MGST1: variants seen among roughly 807,000 people sequenced by gnomAD.
MGST1 encodes glutathione S-transferase 12.
MGST1 carries 5 observed loss-of-function variants against 8.9 expected under a neutral mutation model. The observed-to-expected ratio is 0.56, with a 90% CI of 0.29 to 1.19. The LOEUF is 1.19. Among genes scored for constraint, MGST1 ranks in the 50% most tolerant of loss-of-function variants. MGST1 has a pLI of 0.08. For synonymous variants in MGST1, 54 were observed against 67.8 expected (o/e 0.80, Z 1.00); for missense variants, 182 against 187.4 (o/e 0.97, Z 0.17).
chr12:16,560,841 G>A lies in MGST1; in HGVS notation n.483-28687G>A. On this transcript the variant is annotated intron_variant and non_coding_transcript_variant, in intron 4 of 4. Coordinates refer to the MGST1 transcript ENST00000538857. The surrounding 1 kb of genome is among the most constrained non-coding windows in gnomAD (Gnocchi z 5.0). ...GTGAATTCATAGCAAAAATCTCTGG[G>A]TTAGAGTATATAGAAAATATAAAAG... 1 of 389,492 alleles carries A rather than the reference G, an allele frequency of 2.6e-6. No homozygotes were observed. Among genetic ancestry groups the A allele is most frequent in the South Asian group, 2.3e-5 (1 of 42,566 alleles). The allele number at this position is 389,492 out of a possible 1,614,324, so 24.1% of individuals were successfully genotyped here. A position where few individuals can be genotyped will look rare whatever the true frequency, so the allele number is the denominator to read the frequency against.
At chr12:16,566,039 T>TAAAA (rs1565488443) in intron 4 of MGST1, among the ~76,000 whole-genome samples, 1 of 86,506 alleles carries the variant, frequency 1.2e-5, no homozygotes, top group Non-Finnish European at 2.3e-5. Flanking sequence ...TATATATATA[T>TAAAA]AAAATGGAGT....
chr12:16,464,013 A>G (rs1033001390), intron 4 of MGST1, among the ~76,000 whole-genome samples: 4 of 152,228 alleles, frequency 2.6e-5, no homozygotes, highest in Non-Finnish European at 4.4e-5. Context: ...TGGACTCAGT[A>G]GGCTGGGTTC....
At chr12:16,431,218 G>T (rs1020960528) in intron 1 of MGST1, among the ~76,000 whole-genome samples, 6 of 152,228 alleles carry the variant, frequency 3.9e-5, no homozygotes, top group African/African-American at 4.8e-5. Context: ...TAGCTGGTTT[G>T]ATCTTCTATT....
At chr12:16,551,155 T>C in intron 4 of MGST1, 1 of 1,017,724 alleles carries the variant, frequency 9.8e-7, no homozygotes, top group Middle Eastern at 2.0e-4. Context: ...AATTCTTATG[T>C]ACATGTGGAG....
In MGST1 at chr12:16,582,152, A is replaced by G. The variant is rs1183951155; in HGVS notation, n.483-7376A>G. 6.6e-6 allele frequency among the ~76,000 whole-genome samples: 1 copy of G among 151,862 alleles called. No individual in the cohort carries two copies. Among genetic ancestry groups the G allele is most frequent in the Non-Finnish European group, 1.5e-5 (1 of 68,010 alleles). On this transcript the variant is annotated intron_variant and non_coding_transcript_variant, in intron 4 of 4. Coordinates refer to the MGST1 transcript ENST00000538857. This position sits in a 1 kb window ranked among gnomAD's most constrained non-coding sequence, Gnocchi z 4.1. ...CAGTAAATTTTCTTAATCATATTTA[A>G]CTGGTTTCTTCCTGTTTCTCTTTAT...
chr12:16,512,191 G>A (rs1050526737), intron 4 of MGST1, among the ~76,000 whole-genome samples: 3 of 151,762 alleles, frequency 2.0e-5, no homozygotes, highest in East Asian at 1.9e-4. Flanking sequence ...AGGTATGCAC[G>A]GACATATACA....
intron 4 of MGST1, chr12:16,514,001 T>C (rs546703097): frequency 3.0e-5 from 13 of 434,930 alleles, no homozygotes; most frequent in South Asian, 2.4e-4. Flanking sequence ...CAAAGTCTTC[T>C]TCTTCTGCAT....
rs1941873962 is a variant in MGST1 at position 16,548,563 on chromosome 12, A to G, written n.483-40965A>G. 1 of 152,120 alleles carries G rather than the reference A, an allele frequency of 6.6e-6. No homozygotes were observed. The highest frequency in any genetic ancestry group is 2.4e-5 in the African/African-American group (1 of 41,412). The allele number at this position is 152,120 out of a possible 1,614,324, so 9.4% of individuals were successfully genotyped here. On this transcript the variant is annotated intron_variant and non_coding_transcript_variant, in intron 4 of 4. Transcript: ENST00000538857. This position sits in a 1 kb window ranked among gnomAD's most constrained non-coding sequence, Gnocchi z 4.2. ...CAGCCTATGCGAGATGCATCTTAGG[A>G]AGGGAGCTTTCGCTGCTCAGAAATC...
chr12:16,477,186 A>T (rs1426222212), intron 4 of MGST1, among the ~76,000 whole-genome samples: 1 of 152,212 alleles, frequency 6.6e-6, no homozygotes, highest in Non-Finnish European at 1.5e-5. Context: ...TAGAAAGATT[A>T]GTTTGAAGTT....
rs562061905 is a variant in MGST1 at position 16,399,298 on chromosome 12, G to T, written n.778+15694G>T. 39 of 1,606,130 alleles carry T rather than the reference G, an allele frequency of 2.4e-5. 1 individual carries two copies. In the South Asian group the frequency reaches 4.2e-4, roughly 17 times the overall value. On this transcript the variant is annotated intron_variant and non_coding_transcript_variant, in intron 1 of 1. Transcript: ENST00000359720. ...AGTTACTTCCTCTTTTTCTTGGGGG[G>T]TGCAGAGCTGTGTGTGGAACCATGG...
chr12:16,511,400 A>G (rs79221714), intron 4 of MGST1, among the ~76,000 whole-genome samples: 2 of 152,342 alleles, frequency 1.3e-5, no homozygotes, highest in East Asian at 3.9e-4. Flanking sequence ...TTCTCCATCT[A>G]GCCTCCTCTT....
chr12:16,388,606 TTAAC>T (rs1591714716), intron 1 of MGST1, among the ~76,000 whole-genome samples: 1 of 152,222 alleles, frequency 6.6e-6, no homozygotes, highest in East Asian at 1.9e-4. Flanking sequence ...AACCAGTTAA[TTAAC>T]TATATGCTTG....
intron 4 of MGST1, among the ~76,000 whole-genome samples, chr12:16,554,230 G>T (rs748682308): frequency 6.6e-6 from 1 of 152,154 alleles, no homozygotes; most frequent in Non-Finnish European, 1.5e-5. Flanking sequence ...TTTTAAGCAG[G>T]TTATCAAAAG....
intron 4 of MGST1, among the ~76,000 whole-genome samples, chr12:16,540,731 G>T (rs1285152415): frequency 6.6e-6 from 1 of 152,146 alleles, no homozygotes; most frequent in Non-Finnish European, 1.5e-5. Context: ...AGGAGTTCCA[G>T]ACCAGCCTGG....
chr12:16,465,403 C>T (rs1591737339), intron 4 of MGST1, among the ~76,000 whole-genome samples: 2 of 152,140 alleles, frequency 1.3e-5, no homozygotes, highest in Admixed American at 6.5e-5. Flanking sequence ...CCCCAAATCC[C>T]GGCCAGTTGA....
intron 4 of MGST1, among the ~76,000 whole-genome samples, chr12:16,524,200 A>G (rs777806687): frequency 3.3e-5 from 5 of 152,120 alleles, no homozygotes; most frequent in African/African-American, 7.2e-5. Context: ...TTTCTGTGCC[A>G]CAGAATATAT....
At chr12:16,521,499 T>C (rs1214922518) in intron 4 of MGST1, among the ~76,000 whole-genome samples, 2 of 152,118 alleles carry the variant, frequency 1.3e-5, no homozygotes, top group East Asian at 1.9e-4. Flanking sequence ...ATACTAAGCA[T>C]TGTTTAAGGC....
At chr12:16,562,727 C>A (rs1942446928) in intron 4 of MGST1, among the ~76,000 whole-genome samples, 1 of 152,164 alleles carries the variant, frequency 6.6e-6, no homozygotes, top group African/African-American at 2.4e-5. Context: ...CACTTCCAGG[C>A]CCAGGAAAAT....
intron 1 of MGST1, among the ~76,000 whole-genome samples, chr12:16,406,351 A>T (rs1940697731): frequency 6.6e-6 from 1 of 152,198 alleles, no homozygotes; most frequent in African/African-American, 2.4e-5. Context: ...AATACAGCTA[A>T]CCACGGAGGT....
Sources: allele counts gnomAD v4.1 joint callset (sites outside exome capture counted in the v4.1 genomes callset), GRCh38; gene constraint gnomAD v4.1.1; non-coding constraint Gnocchi (gnomAD v3.1); transcripts MANE v1.5; gene names NCBI Gene and HGNC (gene_info 2026-07-23, HGNC 2026-07-21).